Variants in MACROD2 observed in about 807,000 individuals in gnomAD.
The protein encoded by MACROD2 is mono-ADP ribosylhydrolase 2, also known as ADP-ribose glycohydrolase MACROD2.
A neutral mutation model predicts 70.4 loss-of-function variants in MACROD2; 36 were observed. The observed-to-expected ratio is 0.51, with a 90% CI of 0.39 to 0.68. The LOEUF (loss-of-function observed/expected upper bound fraction) is 0.68. Ranked by LOEUF, MACROD2 falls within the 30% of genes least tolerant of loss-of-function variation. MACROD2 has a pLI of 0.00. For missense variants in MACROD2, 496 were observed against 538.4 expected, an observed-to-expected ratio of 0.92 and a Z score of 0.78; for synonymous variants, 172 against 178.8, an observed-to-expected ratio of 0.96 and a Z score of 0.30.
At chr20:15,504,789 A>G (rs1047984037) in intron 8 of MACROD2, among the ~76,000 whole-genome samples, 1 of 152,222 alleles carries the variant, frequency 6.6e-6, no homozygotes, top group African/African-American at 2.4e-5. Context: ...TTTCTCAAGT[A>G]GTAACTTTAT....
intron 5 of MACROD2, among the ~76,000 whole-genome samples, chr20:15,058,414 ACT>A (rs2075504511): frequency 6.6e-6 from 1 of 152,112 alleles, no homozygotes; most frequent in Non-Finnish European, 1.5e-5. Flanking sequence ...ACAATACAGG[ACT>A]CTCAATCAAA....
At chr20:15,917,681 A>G (rs1338985073) in intron 10 of MACROD2, among the ~76,000 whole-genome samples, 1 of 152,216 alleles carries the variant, frequency 6.6e-6, no homozygotes, top group Non-Finnish European at 1.5e-5. Flanking sequence ...GTGTGTCTTT[A>G]TCAGCAAGTG....
chr20:14,550,577 C>A (rs1454926400), intron 4 of MACROD2, among the ~76,000 whole-genome samples: 1 of 152,136 alleles, frequency 6.6e-6, no homozygotes, highest in Non-Finnish European at 1.5e-5. Flanking sequence ...CTTAGACGTT[C>A]CTACCACCAG....
At chr20:14,097,996 T>C (rs541954705) in intron 3 of MACROD2, among the ~76,000 whole-genome samples, 2 of 152,178 alleles carry the variant, frequency 1.3e-5, no homozygotes, top group South Asian at 4.1e-4. Context: ...ATATTGGATT[T>C]TTGGACTAGG....
chr20:15,407,932 C>G (rs73269052), intron 6 of MACROD2, among the ~76,000 whole-genome samples: 5,131 of 152,202 alleles, frequency 0.034, 262 homozygotes, highest in African/African-American at 0.12. Context: ...CTCAGGGTCA[C>G]ACAGCTCATC....
Position 15,021,101 on chromosome 20 carries a change from T to TACACGTGTATGTGTATAC in MACROD2, c.419-208836_419-208819dup, listed in dbSNP as rs2075167329. Among the ~76,000 whole-genome samples the TACACGTGTATGTGTATAC allele has an allele frequency of 1.5e-5, 2 of 132,086 alleles. 1 individual carries two copies. The highest frequency in any genetic ancestry group is 6.0e-5 in the African/African-American group (2 of 33,128). 86.7% of individuals were successfully genotyped at this position (132,086 alleles called of 152,430 possible). On this transcript the variant is annotated intron_variant, in intron 5 of 17. Transcript: ENST00000684519. ...GTATGTGTATACACGTGTATGTGTA[T>TACACGTGTATGTGTATAC]ACACGTGTATGTGTATACACGTGTG...
At chr20:15,668,540 C>T (rs2049933188) in intron 8 of MACROD2, among the ~76,000 whole-genome samples, 1 of 151,932 alleles carries the variant, frequency 6.6e-6, no homozygotes, top group African/African-American at 2.4e-5. Flanking sequence ...TGCACTCCAG[C>T]CTGGGCGACA....
chr20:14,793,327 C>T (rs2072472097), intron 5 of MACROD2, among the ~76,000 whole-genome samples: 1 of 151,946 alleles, frequency 6.6e-6, no homozygotes, highest in African/African-American at 2.4e-5. Flanking sequence ...CAATAAGACC[C>T]GGACTGTGTC....
chr20:14,400,830 C>T (rs1046810621), intron 3 of MACROD2, among the ~76,000 whole-genome samples: 2 of 152,048 alleles, frequency 1.3e-5, no homozygotes, highest in African/African-American at 4.8e-5. Context: ...CTATCTTGTC[C>T]AGCAGTGGAA....
chr20:15,848,201 C>T (rs2064255213), intron 8 of MACROD2, among the ~76,000 whole-genome samples: 1 of 152,134 alleles, frequency 6.6e-6, no homozygotes, highest in Non-Finnish European at 1.5e-5. Context: ...ATCACTCTCT[C>T]TCTCTCTTTC....
At chr20:15,111,234 G>A (rs1378935625) in intron 5 of MACROD2, among the ~76,000 whole-genome samples, 2 of 150,310 alleles carry the variant, frequency 1.3e-5, no homozygotes, top group Admixed American at 1.3e-4. Flanking sequence ...GTGCAGTGGC[G>A]CAATCTCGGC....
intron 8 of MACROD2, among the ~76,000 whole-genome samples, chr20:15,518,560 G>A (rs1004686523): frequency 1.3e-5 from 2 of 152,038 alleles, no homozygotes; most frequent in Non-Finnish European, 2.9e-5. Context: ...TCAACCTCCA[G>A]CATATTTGAT....
At chr20:14,898,457 C>A (rs6042981) in intron 5 of MACROD2, among the ~76,000 whole-genome samples, 1 of 151,940 alleles carries the variant, frequency 6.6e-6, no homozygotes, top group Non-Finnish European at 1.5e-5. Flanking sequence ...GGCCAGGTGC[C>A]GTGGCTCACG....
chr20:15,975,361 T>G (rs1372455922), intron 13 of MACROD2, among the ~76,000 whole-genome samples: 1 of 152,084 alleles, frequency 6.6e-6, no homozygotes, highest in Non-Finnish European at 1.5e-5. Flanking sequence ...GTTCATACTT[T>G]GATGGAAAAA....
rs548208162 is a variant in MACROD2, at chr20:15,446,309, A to G, written c.571+14874A>G. Among the ~76,000 whole-genome samples the G allele has an allele frequency of 1.3e-4, 20 of 152,330 alleles. No individual in the cohort carries two copies. In the South Asian group the frequency reaches 2.9e-3, roughly 22 times the overall value. ...ATTGTTTCTTCCTCTTTATCATGAA[A>G]GATCCTTTATAGTTAAAGGTGATGC... On this transcript the variant is annotated intron_variant, in intron 7 of 17. Coordinates refer to ENST00000684519, the MANE Select transcript of MACROD2 (RefSeq NM_001351661.2).
intron 15 of MACROD2, among the ~76,000 whole-genome samples, chr20:16,010,659 G>T (rs916076321): frequency 6.6e-6 from 1 of 152,214 alleles, no homozygotes; most frequent in Non-Finnish European, 1.5e-5. Context: ...GTGGTGTGCT[G>T]ATTCTGGCTT....
At chr20:15,484,086 T>TATTTTA (rs2047134461) in intron 7 of MACROD2, among the ~76,000 whole-genome samples, 1 of 150,670 alleles carries the variant, frequency 6.6e-6, no homozygotes, top group African/African-American at 2.4e-5. Flanking sequence ...TATTTTATTT[T>TATTTTA]TCTTGTCTTG....
intron 8 of MACROD2, chr20:15,552,807 A>G (rs2048117373): frequency 1.3e-5 from 2 of 152,218 alleles, no homozygotes; most frequent in South Asian, 4.1e-4. Context: ...AATGTCCTAT[A>G]TGAGTCCTCA....
At chr20:14,460,792 G>A (rs906987742) in intron 3 of MACROD2, among the ~76,000 whole-genome samples, 6 of 152,062 alleles carry the variant, frequency 3.9e-5, no homozygotes, top group Non-Finnish European at 7.4e-5. Flanking sequence ...TGGTGGATAA[G>A]CTTTTTGATG....
Sources: gnomAD v4.1 joint callset for allele counts (sites outside exome capture counted in the v4.1 genomes callset) on GRCh38, gnomAD v4.1.1 for gene constraint, MANE v1.5 for transcripts, NCBI Gene and HGNC (gene_info 2026-07-23, HGNC 2026-07-21) for gene names.